The following CDH12 variants were observed in gnomAD, a reference collection of about 807,000 sequenced individuals.
The protein encoded by CDH12 is cadherin 12.
In CDH12, 41 loss-of-function variants were observed where a neutral mutation model predicts 74.1. The observed-to-expected ratio is 0.55, with a 90% CI of 0.43 to 0.72. The LOEUF is 0.72. CDH12 is among the 30% of genes least tolerant of loss of function. The probability of loss-of-function intolerance (pLI) is 0.00; values close to 1 mark genes in which losing one functional copy is unlikely to be tolerated. For synonymous variants in CDH12, 399 were observed against 355.0 expected (o/e 1.12, Z -1.39); for missense variants, 945 against 977.2 (o/e 0.97, Z 0.44).
intron 3 of CDH12, among the ~76,000 whole-genome samples, chr5:22,376,531 A>G (rs992310018): frequency 2.0e-5 from 3 of 151,992 alleles, no homozygotes; most frequent in Non-Finnish European, 4.4e-5. Context: ...ATCATTACAC[A>G]TTCCATTGTA....
intron 3 of CDH12, among the ~76,000 whole-genome samples, chr5:22,302,041 A>T (rs902764995): frequency 2.0e-5 from 3 of 152,082 alleles, no homozygotes; most frequent in African/African-American, 4.8e-5. Context: ...AGTGAGTGAG[A>T]GAGAGTCTCA....
chr5:22,750,413 G>C (rs1201992244), intron 1 of CDH12, among the ~76,000 whole-genome samples: 1 of 152,122 alleles, frequency 6.6e-6, no homozygotes, highest in Non-Finnish European at 1.5e-5. Context: ...GATTCAATAG[G>C]TAAGAACAAC....
At chr5:22,438,065 A>C (rs909241013) in intron 2 of CDH12, among the ~76,000 whole-genome samples, 3 of 151,940 alleles carry the variant, frequency 2.0e-5, no homozygotes, top group African/African-American at 4.8e-5. Flanking sequence ...CAATAATCAG[A>C]ATCTATGGCA....
intron 2 of CDH12, among the ~76,000 whole-genome samples, chr5:22,481,240 A>G (rs895958889): frequency 3.3e-5 from 5 of 152,222 alleles, no homozygotes; most frequent in African/African-American, 9.6e-5. Context: ...ACTCTTGTAC[A>G]CTGTTGATGG....
intron 4 of CDH12, among the ~76,000 whole-genome samples, chr5:22,197,166 C>A (rs1031107415): frequency 1.3e-5 from 2 of 152,070 alleles, no homozygotes; most frequent in East Asian, 1.9e-4. Flanking sequence ...AAAGAATAGC[C>A]GGGTGCAGCG....
chr5:21,890,487 T>C (rs950305062), intron 6 of CDH12, among the ~76,000 whole-genome samples: 1 of 152,132 alleles, frequency 6.6e-6, no homozygotes, highest in Non-Finnish European at 1.5e-5. Context: ...CAGCTAATTA[T>C]TTGGTTAAGA....
chr5:22,300,294 T>C (rs1427938167), intron 3 of CDH12, among the ~76,000 whole-genome samples: 4 of 152,196 alleles, frequency 2.6e-5, no homozygotes, highest in Non-Finnish European at 5.9e-5. Context: ...TTATTAGGAA[T>C]CCACCATATG....
chr5:22,372,806 C>T (rs558650952), intron 3 of CDH12, among the ~76,000 whole-genome samples: 2 of 152,276 alleles, frequency 1.3e-5, no homozygotes, highest in South Asian at 2.1e-4. Context: ...GGACTTTGTG[C>T]CCTGAAACTG....
At chr5:22,635,668 C>T (rs1738801931) in intron 1 of CDH12, among the ~76,000 whole-genome samples, 1 of 152,162 alleles carries the variant, frequency 6.6e-6, no homozygotes, top group African/African-American at 2.4e-5. Flanking sequence ...GTAATACCAG[C>T]ACTTTAGGAG....
chr5:22,253,238 C>T (rs1753193433), intron 3 of CDH12, among the ~76,000 whole-genome samples: 1 of 151,752 alleles, frequency 6.6e-6, no homozygotes, highest in African/African-American at 2.4e-5. Flanking sequence ...ATATTTAGAA[C>T]ATTATTTGAT....
At chr5:21,760,122 T>A (rs981153620) in intron 13 of CDH12, among the ~76,000 whole-genome samples, 2 of 152,220 alleles carry the variant, frequency 1.3e-5, no homozygotes, top group African/African-American at 2.4e-5. Flanking sequence ...CTGTCTTTGC[T>A]ATTGTGAATA....
intron 4 of CDH12, among the ~76,000 whole-genome samples, chr5:22,127,172 G>A (rs1011962024): frequency 1.3e-5 from 2 of 152,066 alleles, no homozygotes; most frequent in African/African-American, 4.8e-5. Flanking sequence ...GCTATAAGAA[G>A]AGAGAAGGAT....
intron 5 of CDH12, among the ~76,000 whole-genome samples, chr5:22,058,039 A>G (rs149735466): frequency 2.7e-5 from 4 of 145,968 alleles, no homozygotes; most frequent in African/African-American, 1.1e-4. Flanking sequence ...CTATCTATCT[A>G]TCTATCATCT....
intron 6 of CDH12, among the ~76,000 whole-genome samples, chr5:21,859,204 C>A (rs6879184): frequency 6.6e-6 from 1 of 151,664 alleles, no homozygotes; most frequent in Admixed American, 6.6e-5. Flanking sequence ...CTGGGTCATT[C>A]ATAAAGAAAA....
At chr5:22,097,334 G>A (rs760312694) in intron 4 of CDH12, among the ~76,000 whole-genome samples, 1 of 152,186 alleles carries the variant, frequency 6.6e-6, no homozygotes, top group African/African-American at 2.4e-5. Flanking sequence ...CTGCCCGATC[G>A]CCTCAGAAGC....
chr5:22,713,554 G>T (rs911170066), intron 1 of CDH12, among the ~76,000 whole-genome samples: 32 of 151,498 alleles, frequency 2.1e-4, no homozygotes, highest in African/African-American at 7.8e-4. Context: ...TATGAAAAAT[G>T]CTGGAAAAAT....
rs11950181 is a variant in CDH12 at position 22,659,028 on chromosome 5, G to T, written c.-522-153664C>A. ...ATCTAGCTGTTTTAGTACCCAATGG[G>T]ACCATTTTCATGTTAAGGCCTGGAA... On this transcript the variant is annotated intron_variant, in intron 1 of 14. Coordinates refer to ENST00000382254, the MANE Select transcript of CDH12 (RefSeq NM_004061.5). Among the ~76,000 whole-genome samples, 1,274 of 152,074 alleles carry T rather than the reference G, an allele frequency of 8.4e-3. 17 individuals carry two copies. Among genetic ancestry groups the T allele is most frequent in the African/African-American group, 0.029 (1,219 of 41,508 alleles).
At chr5:22,377,229 T>C (rs954679159) in intron 3 of CDH12, among the ~76,000 whole-genome samples, 3 of 152,212 alleles carry the variant, frequency 2.0e-5, no homozygotes, top group African/African-American at 7.2e-5. Flanking sequence ...CAATTGTATA[T>C]GCAAAATAAA....
chr5:22,518,028 G>T (rs1736880420), intron 1 of CDH12, among the ~76,000 whole-genome samples: 1 of 152,076 alleles, frequency 6.6e-6, no homozygotes, highest in African/African-American at 2.4e-5. Flanking sequence ...TTTTTATAGG[G>T]TTACCCCTAG....
Sources: gnomAD v4.1 joint callset for allele counts (sites outside exome capture counted in the v4.1 genomes callset) on GRCh38, gnomAD v4.1.1 for gene constraint, MANE v1.5 for transcripts, NCBI Gene and HGNC (gene_info 2026-07-23, HGNC 2026-07-21) for gene names.